Variants in FRMD4A observed in about 807,000 individuals in gnomAD.
FRMD4A encodes FERM domain-containing protein 4A.
Under a neutral mutation model 129.1 loss-of-function variants are expected in FRMD4A, and 29 were observed. The observed-to-expected ratio is 0.22, with a 90% CI of 0.17 to 0.31. The LOEUF is 0.31. Among genes scored for constraint, FRMD4A ranks in the 10% least tolerant of loss-of-function variants. The probability of loss-of-function intolerance (pLI) is 1.00; values close to 1 mark genes in which losing one functional copy is unlikely to be tolerated. For synonymous variants in FRMD4A, 634 were observed against 571.6 expected, an observed-to-expected ratio of 1.11 and a Z score of -1.56; for missense variants, 1,272 against 1,375.8, an observed-to-expected ratio of 0.92 and a Z score of 1.19.
chr10:14,273,087 C>CAG (rs1029784201), intron 2 of FRMD4A, among the ~76,000 whole-genome samples: 4 of 151,016 alleles, frequency 2.6e-5, no homozygotes, highest in Non-Finnish European at 5.9e-5. Context: ...CACACACACA[C>CAG]ACATGCACAC....
chr10:14,184,393 T>A (rs1842012112), intron 2 of FRMD4A, among the ~76,000 whole-genome samples: 1 of 150,952 alleles, frequency 6.6e-6, no homozygotes, highest in African/African-American at 2.4e-5. Context: ...ATTACAGGCG[T>A]GAGCCACTGC....
intron 21 of FRMD4A, 69 bp from the exon 22 acceptor site, chr10:13,657,591 AG>A: frequency 7.2e-7 from 1 of 1,396,622 alleles, no homozygotes; most frequent in Non-Finnish European, 9.4e-7. Flanking sequence ...TCCGGGGAGG[AG>A]GGGGTCCTGA....
At chr10:13,805,346 T>C (rs1311186669) in intron 4 of FRMD4A, among the ~76,000 whole-genome samples, 1 of 152,072 alleles carries the variant, frequency 6.6e-6, no homozygotes, top group Non-Finnish European at 1.5e-5. Flanking sequence ...ATTCTAACTA[T>C]ACTTGTCTTT....
chr10:14,006,829 G>A (rs2095663935), intron 2 of FRMD4A, among the ~76,000 whole-genome samples: 1 of 152,098 alleles, frequency 6.6e-6, no homozygotes, highest in Non-Finnish European at 1.5e-5. Context: ...GGAATAACAT[G>A]AAATACACAG....
chr10:13,892,549 A>T (rs976044691), intron 2 of FRMD4A, among the ~76,000 whole-genome samples: 1 of 152,146 alleles, frequency 6.6e-6, no homozygotes, highest in Non-Finnish European at 1.5e-5. Flanking sequence ...CTAAATGTTT[A>T]TTGCTTGAGG....
chr10:14,127,959 TTTCTTTCTTTCTTTCTTTCC>T (rs1389989088), intron 2 of FRMD4A, among the ~76,000 whole-genome samples: 423 of 31,292 alleles, frequency 0.014, 11 homozygotes, highest in African/African-American at 0.043. Flanking sequence ...TCTTTCTTTC[TTTCTTTCTTTCTTTCTTTCC>T]TTCTCTCTCT....
At chr10:14,157,553 C>T (rs764353738) in intron 2 of FRMD4A, among the ~76,000 whole-genome samples, 6 of 152,150 alleles carry the variant, frequency 3.9e-5, no homozygotes, top group Non-Finnish European at 5.9e-5. Flanking sequence ...GACTGGAACT[C>T]GGCAAATGTC....
At chr10:13,959,606 C>A (rs2095433902) in intron 2 of FRMD4A, among the ~76,000 whole-genome samples, 1 of 149,094 alleles carries the variant, frequency 6.7e-6, no homozygotes. Context: ...CAGGTTGTGT[C>A]ATGACAGCTG....
chr10:13,722,595 A>C lies in FRMD4A; in HGVS notation c.759+15249T>G, dbSNP rs114785482. Among the ~76,000 whole-genome samples the C allele has an allele frequency of 8.0e-3, 1,219 of 152,060 alleles. 19 individuals carry two copies. Among genetic ancestry groups the C allele is most frequent in the African/African-American group, 0.028 (1,153 of 41,460 alleles). ...AATCACTGGTTTGATTCTCACCTACACAGGTTTGTCATGAATTATGCTGTC... is the reference window on the plus strand; with the variant it reads ...AATCACTGGTTTGATTCTCACCTACCCAGGTTTGTCATGAATTATGCTGTC... On this transcript the variant is annotated intron_variant, in intron 12 of 24. Coordinates refer to ENST00000357447, the MANE Select transcript of FRMD4A (RefSeq NM_018027.5).
chr10:13,787,877 G>A (rs11599381), intron 5 of FRMD4A, among the ~76,000 whole-genome samples: 129 of 146,350 alleles, frequency 8.8e-4, no homozygotes, highest in Non-Finnish European at 1.1e-3. Context: ...CAAAAAAAAA[G>A]AAAAAAAAAA....
At chr10:14,249,350 T>TCAAAAAAAAGAAAA (rs1564416620) in intron 2 of FRMD4A, among the ~76,000 whole-genome samples, 1 of 121,372 alleles carries the variant, frequency 8.2e-6, no homozygotes, top group African/African-American at 2.8e-5. Flanking sequence ...AGAATCTGTC[T>TCAAAAAAAAGAAAA]TAAAAAAAAA....
chr10:13,922,649 A>G (rs975260659), intron 2 of FRMD4A, among the ~76,000 whole-genome samples: 1 of 152,210 alleles, frequency 6.6e-6, no homozygotes, highest in Non-Finnish European at 1.5e-5. Flanking sequence ...TTATTATTCT[A>G]ATGACAAGAT....
At chr10:14,286,343 G>A (rs965569010) in intron 2 of FRMD4A, among the ~76,000 whole-genome samples, 4 of 152,258 alleles carry the variant, frequency 2.6e-5, no homozygotes, top group South Asian at 2.1e-4. Context: ...TGGGAAGGAC[G>A]AGACGCTCCC....
chr10:13,668,163 A>G (rs9651540), intron 17 of FRMD4A: 105,977 of 152,182 alleles, frequency 0.7, 38,961 homozygotes, highest in East Asian at 0.81. Flanking sequence ...AAAGAGAACT[A>G]TTTCGGAGAT....
intron 2 of FRMD4A, among the ~76,000 whole-genome samples, chr10:14,098,703 C>T (rs9787561): frequency 0.35 from 52,999 of 152,030 alleles, 9,933 homozygotes; most frequent in East Asian, 0.52. Flanking sequence ...CCACCGCGCC[C>T]AGCCTGAATA....
intron 2 of FRMD4A, among the ~76,000 whole-genome samples, chr10:14,148,501 C>T (rs1217535693): frequency 2.6e-5 from 4 of 152,158 alleles, no homozygotes; most frequent in South Asian, 2.1e-4. Flanking sequence ...CGCTGGCTCA[C>T]GCCTGTAATC....
At chr10:13,654,364 C>CT in intron 23 of FRMD4A, 52 bp downstream of exon 23, 1 of 1,141,416 alleles carries the variant, frequency 8.8e-7, no homozygotes. Context: ...ATCTGAACGT[C>CT]TATGACACTC....
chr10:13,710,705 T>G (rs2087931472), intron 12 of FRMD4A: 1 of 152,210 alleles, frequency 6.6e-6, no homozygotes, highest in Non-Finnish European at 1.5e-5. Flanking sequence ...ATTGTTGCGT[T>G]GAGACATTAG....
chr10:13,994,885 C>G (rs1041261576), intron 2 of FRMD4A, among the ~76,000 whole-genome samples: 1 of 152,192 alleles, frequency 6.6e-6, no homozygotes, highest in African/African-American at 2.4e-5. Flanking sequence ...TATTTTCCTG[C>G]TACATTTCTT....
Sources: allele counts gnomAD v4.1 joint callset (sites outside exome capture counted in the v4.1 genomes callset), GRCh38; gene constraint gnomAD v4.1.1; transcripts MANE v1.5; gene names NCBI Gene and HGNC (gene_info 2026-07-23, HGNC 2026-07-21).